The following UBE4B variants were observed in gnomAD, a reference collection of about 807,000 sequenced individuals.
UBE4B encodes ubiquitin conjugation factor E4 B.
Under a neutral mutation model 148.1 loss-of-function variants are expected in UBE4B, and 27 were observed. The observed-to-expected ratio is 0.18, with a 90% CI of 0.13 to 0.25. The LOEUF is 0.25. UBE4B is among the 10% of genes least tolerant of loss of function. The pLI, the probability that UBE4B is intolerant of heterozygous loss-of-function variation, is 1.00. For synonymous variants in UBE4B, 596 were observed against 619.3 expected, an observed-to-expected ratio of 0.96 and a Z score of 0.56; for missense variants, 1,170 against 1,662.4, an observed-to-expected ratio of 0.70 and a Z score of 5.15.
chr1:10,120,391 C>A (rs1645390571), intron 9 of UBE4B, among the ~76,000 whole-genome samples: 1 of 152,184 alleles, frequency 6.6e-6, no homozygotes, highest in Non-Finnish European at 1.5e-5. Context: ...GGCATTGTGG[C>A]ATGTGCCTGT....
intron 21 of UBE4B, among the ~76,000 whole-genome samples, chr1:10,155,088 T>G (rs61782929): frequency 7.4e-6 from 1 of 134,822 alleles, no homozygotes; most frequent in African/African-American, 3.2e-5. Context: ...AGAGAGAGTG[T>G]GTGTGTGTGT....
intron 7 of UBE4B, among the ~76,000 whole-genome samples, chr1:10,107,846 G>C (rs1293823428): frequency 6.6e-6 from 1 of 152,072 alleles, no homozygotes; most frequent in East Asian, 1.9e-4. Flanking sequence ...CCAAAATGTT[G>C]GGATTACAGG....
intron 22 of UBE4B, among the ~76,000 whole-genome samples, chr1:10,160,020 G>C (rs1646135238): frequency 2.6e-5 from 4 of 152,278 alleles, no homozygotes; most frequent in Middle Eastern, 6.8e-3. Flanking sequence ...TTGTTCACAG[G>C]AACTTCTCTT....
At chr1:10,175,631 A>G (rs1162705696) in intron 25 of UBE4B, among the ~76,000 whole-genome samples, 2 of 152,118 alleles carry the variant, frequency 1.3e-5, no homozygotes, top group Non-Finnish European at 2.9e-5. Context: ...AGCCTGGGCG[A>G]CAGAGCGAGA....
chr1:10,148,641 A>T lies in UBE4B; in HGVS notation c.2592-543A>T, dbSNP rs565009518. Among the ~76,000 whole-genome samples, 27 of 149,724 alleles carry T rather than the reference A, an allele frequency of 1.8e-4. No homozygotes were observed. The South Asian group carries it at 4.5e-3, about 25-fold the overall frequency. On this transcript the variant is annotated intron_variant, in intron 19 of 27. Transcript: ENST00000343090. ...GGTGAGACTCTGTCTCAAAAAAAAA[A>T]AAAAAATCAAGAAAAGGGCCAGGTG... is the stretch of plus-strand genomic sequence containing the variant.
intron 10 of UBE4B, among the ~76,000 whole-genome samples, chr1:10,123,282 T>C (rs1240292801): frequency 6.6e-6 from 1 of 151,620 alleles, no homozygotes; most frequent in African/African-American, 2.4e-5. Context: ...AATGCAAAAA[T>C]TAACTGGGTG....
intron 20 of UBE4B, among the ~76,000 whole-genome samples, chr1:10,149,864 T>C (rs1047342744): frequency 1.3e-5 from 2 of 152,178 alleles, no homozygotes; most frequent in African/African-American, 2.4e-5. Context: ...TTGTGAAAAG[T>C]AAAAGTCATG....
At chr1:10,107,434 A>T (rs191691081) in intron 7 of UBE4B, 7 of 1,236,526 alleles carry the variant, frequency 5.7e-6, no homozygotes, top group Middle Eastern at 5.1e-4. Context: ...ACTAACTTCT[A>T]TAAGCTCTAA....
At chr1:10,111,163 C>T (rs552342989) in intron 7 of UBE4B, among the ~76,000 whole-genome samples, 5 of 150,642 alleles carry the variant, frequency 3.3e-5, no homozygotes, top group African/African-American at 1.2e-4. Flanking sequence ...AAATCCAAAG[C>T]CTCTGACCAT....
intron 1 of UBE4B, among the ~76,000 whole-genome samples, chr1:10,047,326 G>T (rs1039000129): frequency 1.4e-4 from 21 of 152,048 alleles, no homozygotes; most frequent in African/African-American, 4.3e-4. Flanking sequence ...TAGGGGGCCA[G>T]ACTCATGCTG....
chr1:10,106,704 C>T lies in UBE4B; in HGVS notation c.1196+121C>T. The T allele has an allele frequency of 7.6e-7, 1 of 1,311,168 alleles. No homozygotes were observed. Among genetic ancestry groups the T allele is most frequent in the Non-Finnish European group, 1.0e-6 (1 of 997,896 alleles). The allele number at this position is 1,311,168 out of a possible 1,614,324, so 81.2% of individuals were successfully genotyped here. Reference sequence around the variant, plus strand: ...TAAATTGTTGTTTTGGGTTATTAACCTGTGTGGCTAACTAGTTTGGTAGGC... The same window carrying T: ...TAAATTGTTGTTTTGGGTTATTAACTTGTGTGGCTAACTAGTTTGGTAGGC... On this transcript the variant is annotated intron_variant, in intron 7 of 27. Coordinates refer to ENST00000343090, the MANE Select transcript of UBE4B (RefSeq NM_001105562.3). The surrounding 1 kb of genome is among the most constrained non-coding windows in gnomAD (Gnocchi z 4.2).
chr1:10,162,084 C>T (rs562918547), intron 23 of UBE4B, among the ~76,000 whole-genome samples: 235 of 151,956 alleles, frequency 1.5e-3, no homozygotes, highest in Non-Finnish European at 2.7e-3. Flanking sequence ...CTGCAATCCC[C>T]GCTTCTCCGG....
intron 21 of UBE4B, among the ~76,000 whole-genome samples, chr1:10,152,792 C>T (rs112787694): frequency 4.0e-5 from 6 of 151,286 alleles, no homozygotes; most frequent in African/African-American, 1.2e-4. Flanking sequence ...GGCAAGACTC[C>T]GTCTCAAAAA....
chr1:10,177,701 CTGGCCACT>C (rs1477050569), intron 25 of UBE4B, among the ~76,000 whole-genome samples: 3 of 151,828 alleles, frequency 2.0e-5, no homozygotes, highest in Non-Finnish European at 1.5e-5. Context: ...GGCAAAAACA[CTGGCCACT>C]TGTTTTGCGA....
At chr1:10,086,128 C>T (rs4360526) in intron 2 of UBE4B, among the ~76,000 whole-genome samples, 37,894 of 151,802 alleles carry the variant, frequency 0.25, 6,643 homozygotes, top group African/African-American at 0.49. Flanking sequence ...CCCGCCACCA[C>T]GCCAGGCTAA....
rs141678599 is a variant in UBE4B at position 10,077,009 on chromosome 1, T to C, written c.211+4795T>C. Among the ~76,000 whole-genome samples the C allele has an allele frequency of 1.1e-4, 17 of 152,074 alleles. No homozygotes were observed. In the East Asian group the frequency reaches 3.1e-3, roughly 28 times the overall value. ...ATCCTCCCGCCTCAGCCTCCCAAAGTGTTGGGATTACAGGTGTGAGCTGCC... is the reference window on the plus strand; with the variant it reads ...ATCCTCCCGCCTCAGCCTCCCAAAGCGTTGGGATTACAGGTGTGAGCTGCC... On this transcript the variant is annotated intron_variant, in intron 2 of 27. Coordinates refer to ENST00000343090, the MANE Select transcript of UBE4B (RefSeq NM_001105562.3).
At chr1:10,107,192 TG>T (rs1557559108) in intron 7 of UBE4B, 2 of 1,289,466 alleles carry the variant, frequency 1.6e-6, no homozygotes, top group Non-Finnish European at 2.0e-6. Context: ...CTTTGTTCTC[TG>T]ATGGCCTTTT....
intron 1 of UBE4B, among the ~76,000 whole-genome samples, chr1:10,048,225 G>T (rs1183849605): frequency 6.6e-6 from 1 of 152,140 alleles, no homozygotes; most frequent in Non-Finnish European, 1.5e-5. Context: ...CTCAAAAAAT[G>T]GAATTGTCAT....
intron 23 of UBE4B, among the ~76,000 whole-genome samples, chr1:10,166,745 G>A (rs1482452069): frequency 6.6e-6 from 1 of 151,930 alleles, no homozygotes. Context: ...CCAACATGGC[G>A]AAACCCCAAT....
Sources: allele counts gnomAD v4.1 joint callset (sites outside exome capture counted in the v4.1 genomes callset), GRCh38; gene constraint gnomAD v4.1.1; non-coding constraint Gnocchi (gnomAD v3.1); transcripts MANE v1.5; gene names NCBI Gene and HGNC (gene_info 2026-07-23, HGNC 2026-07-21).